The following DAGLA variants were observed in gnomAD, a reference collection of about 807,000 sequenced individuals.
DAGLA encodes the protein diacylglycerol lipase alpha.
In DAGLA, 22 loss-of-function variants were observed where a neutral mutation model predicts 102.6. The ratio of observed to expected loss-of-function variants is 0.21; its 90% CI spans 0.15 to 0.31. The LOEUF (loss-of-function observed/expected upper bound fraction) is 0.31, where lower values mean the gene tolerates loss of function less well. Among genes scored for constraint, DAGLA ranks in the 10% least tolerant of loss-of-function variants. The pLI is 1.00. For synonymous variants in DAGLA, 578 were observed against 628.9 expected (o/e 0.92, Z 1.21); for missense variants, 927 against 1,446.6 (o/e 0.64, Z 5.83).
chr11:61,703,529 GA>G (rs2065125127), intron 1 of DAGLA, among the ~76,000 whole-genome samples: 2 of 152,226 alleles, frequency 1.3e-5, no homozygotes, highest in Admixed American at 6.5e-5. Context: ...AGAACAGAGA[GA>G]AGGCCAGGGT....
intron 1 of DAGLA, among the ~76,000 whole-genome samples, chr11:61,685,405 G>C (rs1397346820): frequency 1.3e-5 from 2 of 152,176 alleles, no homozygotes; most frequent in African/African-American, 4.8e-5. Context: ...CTCATTACTT[G>C]ATAAGAAGTT....
chr11:61,682,527 T>C (rs1204544413), intron 1 of DAGLA, among the ~76,000 whole-genome samples: 1 of 152,092 alleles, frequency 6.6e-6, no homozygotes, highest in East Asian at 1.9e-4. Context: ...CCCCGGCAGC[T>C]GTGAAGTCCT....
intron 5 of DAGLA, 131 bp from the exon 6 acceptor site, chr11:61,725,864 C>T (rs111967369): frequency 1.2e-6 from 1 of 835,954 alleles, no homozygotes; most frequent in Non-Finnish European, 2.0e-6. Context: ...CCCTGTTCTC[C>T]CCCAGAACCC....
chr11:61,740,718 T>C, intron 18 of DAGLA, 126 bp downstream of exon 18: 1 of 1,292,324 alleles, frequency 7.7e-7, no homozygotes, highest in Non-Finnish European at 1.1e-6. Context: ...GAGAAGTAGG[T>C]AGCTGGGCCA....
At chr11:61,691,173 G>A (rs769697924) in intron 1 of DAGLA, among the ~76,000 whole-genome samples, 9 of 152,292 alleles carry the variant, frequency 5.9e-5, no homozygotes, top group African/African-American at 1.4e-4. Context: ...GCAGGCTTCC[G>A]GCAGCAATAA....
At chr11:61,718,748 C>T (rs926771426) in intron 1 of DAGLA, among the ~76,000 whole-genome samples, 2 of 152,178 alleles carry the variant, frequency 1.3e-5, no homozygotes, top group African/African-American at 2.4e-5. Context: ...GGCACGACCC[C>T]GGCAGGCTAG....
At chr11:61,719,857 A>C (rs189570561) in intron 1 of DAGLA, among the ~76,000 whole-genome samples, 190 of 152,138 alleles carry the variant, frequency 1.2e-3, no homozygotes, top group African/African-American at 4.4e-3. Flanking sequence ...CCCAGGTAGA[A>C]GCCGATCCCT....
At chr11:61,724,335 T>C (rs1202036473) in intron 5 of DAGLA, among the ~76,000 whole-genome samples, 1 of 152,202 alleles carries the variant, frequency 6.6e-6, no homozygotes. Flanking sequence ...CAGTGCATTA[T>C]GTAAGGAGCT....
At chr11:61,713,803 G>C (rs1184109028) in intron 1 of DAGLA, among the ~76,000 whole-genome samples, 1 of 152,190 alleles carries the variant, frequency 6.6e-6, no homozygotes, top group Non-Finnish European at 1.5e-5. Flanking sequence ...GAGTCCCGCA[G>C]ATCAGATGCC....
At chr11:61,738,333 G>T in intron 16 of DAGLA, 126 bp downstream of exon 16, 1 of 749,920 alleles carries the variant, frequency 1.3e-6, no homozygotes, top group South Asian at 1.8e-5. Context: ...GGTGTGGCTG[G>T]TGTTGTGGGA....
At chr11:61,741,382 G>C (rs1439253648) in intron 19 of DAGLA, 33 bp downstream of exon 19, 2 of 1,589,514 alleles carry the variant, frequency 1.3e-6, no homozygotes, top group East Asian at 2.2e-5. Context: ...CCCACCCCAG[G>C]GTGAGTGTGG....
intron 1 of DAGLA, among the ~76,000 whole-genome samples, chr11:61,689,218 T>G (rs2065006851): frequency 6.6e-6 from 1 of 152,240 alleles, no homozygotes. Flanking sequence ...GCAGAATCAC[T>G]GCGCAGCCCT....
At chr11:61,715,188 C>A (rs144009018) in intron 1 of DAGLA, among the ~76,000 whole-genome samples, 1 of 152,152 alleles carries the variant, frequency 6.6e-6, no homozygotes, top group Non-Finnish European at 1.5e-5. Flanking sequence ...AGCGACACTG[C>A]GACCCTGTGT....
chr11:61,744,802 C>A lies in DAGLA; in HGVS notation c.*313C>A. Reference sequence around the variant, plus strand: ...CTCCATGGGGGCATTCTGGCACCCCCTGCTCCAGGACAGGCCATGGGCAAG... The same window carrying A: ...CTCCATGGGGGCATTCTGGCACCCCATGCTCCAGGACAGGCCATGGGCAAG... On this transcript the variant is annotated 3_prime_UTR_variant, in exon 20 of 20. Transcript: ENST00000257215. The A allele has an allele frequency of 3.1e-6, 1 of 321,518 alleles. No homozygotes were observed. The highest frequency in any genetic ancestry group is 2.1e-5 in the African/African-American group (1 of 47,082). 19.9% of individuals were successfully genotyped at this position (321,518 alleles called of 1,614,324 possible). A position where few individuals can be genotyped will look rare whatever the true frequency, so the allele number is the denominator to read the frequency against.
chr11:61,733,287 G>A (rs2065391645), intron 9 of DAGLA, among the ~76,000 whole-genome samples: 2 of 152,186 alleles, frequency 1.3e-5, no homozygotes, highest in Admixed American at 1.3e-4. Context: ...GGTTGGAGAG[G>A]GAACAGCTGC....
chr11:61,703,677 GA>G (rs1195544035), intron 1 of DAGLA, among the ~76,000 whole-genome samples: 20 of 110,170 alleles, frequency 1.8e-4, no homozygotes, highest in Non-Finnish European at 3.5e-4. Context: ...GAGGATGGAG[GA>G]ATGGATGGAT....
At chr11:61,699,561 C>G (rs2065092640) in intron 1 of DAGLA, among the ~76,000 whole-genome samples, 1 of 152,352 alleles carries the variant, frequency 6.6e-6, no homozygotes, top group Non-Finnish European at 1.5e-5. Context: ...TGACTTGCTC[C>G]AAGTCACCCA....
intron 1 of DAGLA, among the ~76,000 whole-genome samples, chr11:61,716,450 T>A (rs1315250935): frequency 6.6e-6 from 1 of 152,068 alleles, no homozygotes; most frequent in East Asian, 1.9e-4. Context: ...CATGGACCCT[T>A]CCAGTGATGT....
chr11:61,735,484 G>A (rs2065415164), intron 10 of DAGLA, 77 bp from the exon 11 acceptor site: 2 of 1,323,346 alleles, frequency 1.5e-6, no homozygotes, highest in East Asian at 2.4e-5. Flanking sequence ...TGGCCAGGAA[G>A]GAGACCTGCC....
Sources: allele counts gnomAD v4.1 joint callset (sites outside exome capture counted in the v4.1 genomes callset), GRCh38; gene constraint gnomAD v4.1.1; transcripts MANE v1.5; gene names NCBI Gene and HGNC (gene_info 2026-07-23, HGNC 2026-07-21).